Variants in CDH12 observed in about 807,000 individuals in gnomAD.
CDH12 encodes cadherin 12, also known as cadherin-12.
A neutral mutation model predicts 74.1 loss-of-function variants in CDH12; 41 were observed. The observed-to-expected ratio is 0.55, with a 90% CI of 0.43 to 0.72. The LOEUF is 0.72. CDH12 is among the 30% of genes least tolerant of loss of function. The pLI is 0.00. For synonymous variants in CDH12, 399 were observed against 355.0 expected (o/e 1.12, Z -1.39); for missense variants, 945 against 977.2 (o/e 0.97, Z 0.44).
chr5:22,600,361 T>C (rs1736799804), intron 1 of CDH12, among the ~76,000 whole-genome samples: 1 of 152,124 alleles, frequency 6.6e-6, no homozygotes, highest in Admixed American at 6.6e-5. Flanking sequence ...TGTACTAAAT[T>C]CCATTTAAAA....
At chr5:22,180,231 AG>A (rs1350641870) in intron 4 of CDH12, among the ~76,000 whole-genome samples, 3 of 152,168 alleles carry the variant, frequency 2.0e-5, no homozygotes, top group African/African-American at 7.2e-5. Context: ...CTCACCCTAC[AG>A]CCACTCACTT....
intron 1 of CDH12, among the ~76,000 whole-genome samples, chr5:22,561,056 A>G (rs1739026431): frequency 6.6e-6 from 1 of 152,194 alleles, no homozygotes; most frequent in Admixed American, 6.5e-5. Flanking sequence ...CATGAAATTG[A>G]TTAAAGCATA....
intron 10 of CDH12, among the ~76,000 whole-genome samples, chr5:21,799,100 G>T (rs184857884): frequency 6.6e-6 from 1 of 152,104 alleles, no homozygotes; most frequent in African/African-American, 2.4e-5. Context: ...GTAGATATAT[G>T]GACAGTAAAA....
At chr5:22,262,081 C>A (rs1349171760) in intron 3 of CDH12, among the ~76,000 whole-genome samples, 1 of 151,618 alleles carries the variant, frequency 6.6e-6, no homozygotes, top group Non-Finnish European at 1.5e-5. Flanking sequence ...AATATCATTG[C>A]ATGGTTTTAT....
Position 22,318,275 on chromosome 5 carries a change from T to C in CDH12, c.-333+86982A>G, listed in dbSNP as rs565456118. ...TATTAGAATCTACAGAGACATCACA[T>C]GGCACCAATAAACCTGGCCAATTTG... is the stretch of plus-strand genomic sequence containing the variant. On this transcript the variant is annotated intron_variant, in intron 3 of 14. Transcript: ENST00000382254. Among the ~76,000 whole-genome samples, 86 of 152,328 alleles carry C rather than the reference T, an allele frequency of 5.6e-4. 2 individuals are homozygous for C. Among genetic ancestry groups the C allele is most frequent in the African/African-American group, 1.9e-3 (80 of 41,576 alleles).
chr5:22,664,782 C>T (rs915176799), intron 1 of CDH12, among the ~76,000 whole-genome samples: 8 of 151,988 alleles, frequency 5.3e-5, no homozygotes, highest in African/African-American at 1.5e-4. Flanking sequence ...AGGTTATAGA[C>T]GTAGATTTCA....
chr5:22,372,533 G>A (rs1561353079), intron 3 of CDH12, among the ~76,000 whole-genome samples: 1 of 152,172 alleles, frequency 6.6e-6, no homozygotes, highest in Non-Finnish European at 1.5e-5. Context: ...TGAGTCACCA[G>A]GCTTCCAAGC....
rs769738758 is a variant in CDH12, at chr5:21,760,683, AGAGTT to A, written c.1516-13_1516-9del. The A allele has an allele frequency of 6.6e-7, 1 of 1,506,366 alleles. No individual in the cohort carries two copies. Among genetic ancestry groups the A allele is most frequent in the Non-Finnish European group, 9.2e-7 (1 of 1,082,072 alleles). 93.3% of individuals were successfully genotyped at this position (1,506,366 alleles called of 1,614,324 possible). On this transcript the variant is annotated splice_polypyrimidine_tract_variant and intron_variant, in intron 12 of 14. Coordinates refer to ENST00000382254, the MANE Select transcript of CDH12 (RefSeq NM_004061.5). ...ACTGACTATCTGAATTATCTGCAAC[AGAGTT>A]GAGATTAAAGTCGGTCATCAGTTTC...
chr5:22,663,532 A>G (rs916547472), intron 1 of CDH12, among the ~76,000 whole-genome samples: 2 of 152,338 alleles, frequency 1.3e-5, no homozygotes, highest in African/African-American at 4.8e-5. Flanking sequence ...GAAAAATAGA[A>G]AATAATTCAC....
At chr5:21,844,625 AT>A in intron 7 of CDH12, among the ~76,000 whole-genome samples, 1 of 152,276 alleles carries the variant, frequency 6.6e-6, no homozygotes, top group East Asian at 1.9e-4. Context: ...GGTCTTGACA[AT>A]TTTTATGAAT....
At chr5:22,194,778 T>C (rs1561208989) in intron 4 of CDH12, among the ~76,000 whole-genome samples, 1 of 152,158 alleles carries the variant, frequency 6.6e-6, no homozygotes, top group Non-Finnish European at 1.5e-5. Flanking sequence ...AGCTACAATT[T>C]TGTGAGCAAT....
intron 3 of CDH12, among the ~76,000 whole-genome samples, chr5:22,219,140 T>C (rs1751924873): frequency 6.6e-6 from 1 of 151,720 alleles, no homozygotes; most frequent in Non-Finnish European, 1.5e-5. Flanking sequence ...ATAATGTGTA[T>C]GGAAATATTA....
At chr5:21,976,582 A>G (rs1369979355) in intron 5 of CDH12, among the ~76,000 whole-genome samples, 1 of 151,370 alleles carries the variant, frequency 6.6e-6, no homozygotes, top group East Asian at 1.9e-4. Flanking sequence ...TAATATTTAC[A>G]TTAATTTTTA....
chr5:22,393,534 C>T (rs754861258), intron 3 of CDH12, among the ~76,000 whole-genome samples: 2 of 152,074 alleles, frequency 1.3e-5, no homozygotes, highest in Non-Finnish European at 2.9e-5. Flanking sequence ...GAAAAAATAG[C>T]TACAACAAAT....
intron 1 of CDH12, among the ~76,000 whole-genome samples, chr5:22,524,097 C>A (rs1162101677): frequency 1.3e-5 from 2 of 151,886 alleles, no homozygotes; most frequent in East Asian, 3.9e-4. Flanking sequence ...ATCCATCCAC[C>A]CCAGCCTCCT....
intron 1 of CDH12, among the ~76,000 whole-genome samples, chr5:22,731,654 T>A (rs1744436081): frequency 6.6e-6 from 1 of 151,918 alleles, no homozygotes; most frequent in African/African-American, 2.4e-5. Flanking sequence ...TCAAGTTTAC[T>A]TATGGAAGTA....
At chr5:21,819,535 G>A (rs985910240) in intron 8 of CDH12, among the ~76,000 whole-genome samples, 1 of 151,944 alleles carries the variant, frequency 6.6e-6, no homozygotes, top group East Asian at 1.9e-4. Flanking sequence ...TGAATTCACG[G>A]TACGATTGGT....
intron 3 of CDH12, among the ~76,000 whole-genome samples, chr5:22,402,875 C>A (rs1742787788): frequency 6.6e-6 from 1 of 152,060 alleles, no homozygotes; most frequent in South Asian, 2.1e-4. Context: ...TCACTTCATA[C>A]ATAGTAGACC....
chr5:22,452,719 A>T (rs1309141827), intron 2 of CDH12, among the ~76,000 whole-genome samples: 1 of 151,822 alleles, frequency 6.6e-6, no homozygotes, highest in African/African-American at 2.4e-5. Flanking sequence ...AAAATAGGCA[A>T]ATGGGATTAT....
Sources: allele counts gnomAD v4.1 joint callset (sites outside exome capture counted in the v4.1 genomes callset), GRCh38; gene constraint gnomAD v4.1.1; transcripts MANE v1.5; gene names NCBI Gene and HGNC (gene_info 2026-07-23, HGNC 2026-07-21).